Variants in SLC60A2 observed in about 807,000 individuals in gnomAD.
The protein encoded by SLC60A2 is major facilitator superfamily domain containing 4B.
chr6:111,263,836 C>T, the SLC60A2 span: 2 of 1,584,838 alleles, frequency 1.3e-6, no homozygotes, highest in Non-Finnish European at 1.7e-6. Context: ...CCAGGAATCT[C>T]AATGTCGGCT....
the SLC60A2 span, chr6:111,267,425 G>C: frequency 4.1e-6 from 1 of 241,150 alleles, no homozygotes. Flanking sequence ...TTTTGAGAAG[G>C]GGGGTATTCT....
At chr6:111,265,220 T>G in the SLC60A2 span, 1 of 880,938 alleles carries the variant, frequency 1.1e-6, no homozygotes, top group Non-Finnish European at 1.4e-6. Flanking sequence ...TTAATTTTGT[T>G]ATGAAATTAT....
chr6:111,274,462 A>G, the SLC60A2 span, among the ~76,000 whole-genome samples: 1 of 152,044 alleles, frequency 6.6e-6, no homozygotes, highest in East Asian at 1.9e-4. Context: ...TGTTTATTTT[A>G]ATCCATTCAG....
the SLC60A2 span, chr6:111,266,533 T>G: frequency 6.2e-7 from 1 of 1,614,096 alleles, no homozygotes; most frequent in South Asian, 1.1e-5. Context: ...TGTCTCTGGA[T>G]AGCAACTTCA....
the SLC60A2 span, among the ~76,000 whole-genome samples, chr6:111,276,772 G>A: frequency 6.6e-6 from 1 of 152,184 alleles, no homozygotes; most frequent in Non-Finnish European, 1.5e-5. Flanking sequence ...AACGATAAAT[G>A]GGCTGCTCTC....
the SLC60A2 span, chr6:111,268,363 A>G: frequency 2.8e-4 from 43 of 152,338 alleles, no homozygotes; most frequent in Admixed American, 2.3e-3. Context: ...ATCGTTTAAC[A>G]TTGTGACAAA....
the SLC60A2 span, chr6:111,278,776 T>C: frequency 6.6e-6 from 1 of 152,312 alleles, no homozygotes; most frequent in Non-Finnish European, 1.5e-5. Flanking sequence ...ATCAACAGCA[T>C]GAAAACAGAC....
chr6:111,273,153 A>G, the SLC60A2 span, among the ~76,000 whole-genome samples: 1 of 152,074 alleles, frequency 6.6e-6, no homozygotes, highest in Non-Finnish European at 1.5e-5. Context: ...TGGTCAGAAA[A>G]GATTATATGT....
At chr6:111,262,904 GCT>G in the SLC60A2 span, among the ~76,000 whole-genome samples, 1 of 152,036 alleles carries the variant, frequency 6.6e-6, no homozygotes, top group Non-Finnish European at 1.5e-5. Flanking sequence ...ACCCCAGAGT[GCT>G]CTGTCTCACC....
chr6:111,263,043 T>A, the SLC60A2 span, among the ~76,000 whole-genome samples: 1 of 152,066 alleles, frequency 6.6e-6, no homozygotes, highest in Non-Finnish European at 1.5e-5. Context: ...GCTCAAGCGA[T>A]CCTCCCATCT....
At chr6:111,272,906 C>T in the SLC60A2 span, among the ~76,000 whole-genome samples, 1 of 152,086 alleles carries the variant, frequency 6.6e-6, no homozygotes. Context: ...TTCCGGCTCA[C>T]TGCAACCTCT....
the SLC60A2 span, chr6:111,263,757 G>T: frequency 2.7e-6 from 2 of 743,540 alleles, no homozygotes; most frequent in South Asian, 1.9e-5. Context: ...TGCATGTTTG[G>T]ACATTTATGA....
the SLC60A2 span, chr6:111,266,825 G>A: frequency 3.6e-5 from 58 of 1,613,928 alleles, no homozygotes; most frequent in Non-Finnish European, 4.9e-5. Flanking sequence ...AAGACAGAAA[G>A]AGTGAGGACC....
At chr6:111,268,355 C>T in the SLC60A2 span, 11 of 152,128 alleles carry the variant, frequency 7.2e-5, no homozygotes, top group South Asian at 1.5e-3. Context: ...AATCAGTGAT[C>T]GTTTAACATT....
the SLC60A2 span, among the ~76,000 whole-genome samples, chr6:111,273,608 C>T: frequency 2.0e-5 from 3 of 151,694 alleles, no homozygotes; most frequent in African/African-American, 7.3e-5. Flanking sequence ...TCTGTTAGGC[C>T]CAGTTGGTCT....
At chr6:111,267,344 C>T in the SLC60A2 span, 1 of 456,196 alleles carries the variant, frequency 2.2e-6, no homozygotes, top group Non-Finnish European at 3.9e-6. Context: ...ATAACGCTAT[C>T]ATTTGACATG....
At chr6:111,261,181 A>G in the SLC60A2 span, among the ~76,000 whole-genome samples, 1 of 152,252 alleles carries the variant, frequency 6.6e-6, no homozygotes, top group Non-Finnish European at 1.5e-5. Context: ...ATGGCGTGGA[A>G]GAAAAGTGTA....
the SLC60A2 span, among the ~76,000 whole-genome samples, chr6:111,279,203 A>G: frequency 0.1 from 15,330 of 152,092 alleles, 1,008 homozygotes; most frequent in Middle Eastern, 0.19. Context: ...AGGCTTACTT[A>G]CAGATTGATT....
the SLC60A2 span, among the ~76,000 whole-genome samples, chr6:111,273,772 C>T: frequency 6.6e-6 from 1 of 152,108 alleles, no homozygotes; most frequent in Non-Finnish European, 1.5e-5. Flanking sequence ...GTTACCCAGG[C>T]TGGAGTGCAG....
Sources: allele counts gnomAD v4.1 joint callset (sites outside exome capture counted in the v4.1 genomes callset), GRCh38; gene constraint gnomAD v4.1.1; transcripts MANE v1.5; gene names NCBI Gene and HGNC (gene_info 2026-07-23, HGNC 2026-07-21).